The following RALB variants were observed in gnomAD, a reference collection of about 807,000 sequenced individuals.
RALB encodes ras-related protein Ral-B.
A neutral mutation model predicts 21.3 loss-of-function variants in RALB; 16 were observed. The ratio of observed to expected loss-of-function variants is 0.75; its 90% CI spans 0.51 to 1.14. The LOEUF is 1.14. Among genes scored for constraint, RALB ranks in the 50% most tolerant of loss-of-function variants. The probability of loss-of-function intolerance (pLI) is 0.00; values close to 1 mark genes in which losing one functional copy is unlikely to be tolerated. For missense variants in RALB, 161 were observed against 256.2 expected, an observed-to-expected ratio of 0.63 and a Z score of 2.54; for synonymous variants, 93 against 96.1, an observed-to-expected ratio of 0.97 and a Z score of 0.19.
chr2:120,277,808 CGT>C (rs1037308935), intron 1 of RALB, among the ~76,000 whole-genome samples: 12 of 148,864 alleles, frequency 8.1e-5, no homozygotes, highest in South Asian at 4.4e-4. Flanking sequence ...TGTGTGAGAG[CGT>C]GTGAGAGCAA....
At chr2:120,253,406 C>G in intron 1 of RALB, 1 of 985,600 alleles carries the variant, frequency 1.0e-6, no homozygotes, top group South Asian at 4.7e-5. Flanking sequence ...TTGCACGCGC[C>G]GTGAACTGGG....
chr2:120,264,844 T>C (rs1397310938), intron 1 of RALB, among the ~76,000 whole-genome samples: 1 of 152,166 alleles, frequency 6.6e-6, no homozygotes, highest in Non-Finnish European at 1.5e-5. Context: ...CTCATATCAG[T>C]GGAATCATAG....
chr2:120,261,057 G>T (rs150521272), intron 1 of RALB, among the ~76,000 whole-genome samples: 1 of 152,158 alleles, frequency 6.6e-6, no homozygotes, highest in East Asian at 1.9e-4. Flanking sequence ...CAGAATATGC[G>T]TTTTCACAAG....
intron 1 of RALB, among the ~76,000 whole-genome samples, chr2:120,261,526 T>G (rs147814536): frequency 8.4e-4 from 128 of 152,304 alleles, no homozygotes; most frequent in Non-Finnish European, 1.5e-3. Flanking sequence ...ACAGCGAGAT[T>G]ACTAGGAAGT....
intron 1 of RALB, among the ~76,000 whole-genome samples, chr2:120,247,079 C>T (rs1001755650): frequency 2.0e-5 from 3 of 152,140 alleles, no homozygotes; most frequent in African/African-American, 7.2e-5. Context: ...ATCTGGTTAC[C>T]TGGAGGTCGG....
chr2:120,286,758 C>T (rs2104656929), intron 3 of RALB, among the ~76,000 whole-genome samples: 1 of 152,324 alleles, frequency 6.6e-6, no homozygotes, highest in Non-Finnish European at 1.5e-5. Context: ...CCTCCATTGT[C>T]CCCTGTCACA....
intron 1 of RALB, among the ~76,000 whole-genome samples, chr2:120,247,184 G>A (rs1367082907): frequency 6.6e-6 from 1 of 152,330 alleles, no homozygotes. Context: ...GAGAGGACAT[G>A]CAGTGGGGAT....
intron 3 of RALB, among the ~76,000 whole-genome samples, chr2:120,288,155 A>C (rs1202253960): frequency 1.3e-5 from 2 of 152,102 alleles, no homozygotes; most frequent in African/African-American, 4.8e-5. Context: ...CCAGAAAGCT[A>C]TCAGTTTTTA....
chr2:120,248,595 T>A (rs1173027965), upstream of RALB, among the ~76,000 whole-genome samples: 1 of 152,132 alleles, frequency 6.6e-6, no homozygotes, highest in Non-Finnish European at 1.5e-5. Flanking sequence ...CGGAACAGCA[T>A]CCTAACCTCG....
In RALB at chr2:120,278,675, A is replaced by T; in HGVS notation, c.11A>T (p.Asn4Ile). The T allele has an allele frequency of 6.3e-7, 1 of 1,595,384 alleles. No individual in the cohort carries two copies. Among genetic ancestry groups the T allele is most frequent in the Non-Finnish European group, 8.5e-7 (1 of 1,170,126 alleles). Residue 4 changes from asparagine to isoleucine, a missense_variant, in exon 2 of 5, where the codon AAC becomes ATC. Physicochemically the swap from Asn to Ile is moderately radical, Grantham distance 149. Transcript: ENST00000272519. MAA[N>I]KSKGQSSLAL... is the part of the protein sequence containing the mutation. ...CAGAAGACCAGCGAGATGGCTGCCAACAAGAGTAAGGGCCAGAGCTCCTTG... is the reference window on the plus strand; with the variant it reads ...CAGAAGACCAGCGAGATGGCTGCCATCAAGAGTAAGGGCCAGAGCTCCTTG...
intron 1 of RALB, among the ~76,000 whole-genome samples, chr2:120,268,983 CTGATAGAAT>C: frequency 6.6e-6 from 1 of 152,120 alleles, no homozygotes; most frequent in Non-Finnish European, 1.5e-5. Context: ...CTGCACGTTT[CTGATAGAAT>C]TTGGATCATT....
chr2:120,288,349 T>TTTTG (rs1553525487), intron 3 of RALB, among the ~76,000 whole-genome samples: 1 of 141,818 alleles, frequency 7.1e-6, no homozygotes. Context: ...TTAGTTTTTT[T>TTTTG]TTTTGTTTTT....
At chr2:120,248,765 T>C (rs540890036), upstream of RALB, among the ~76,000 whole-genome samples, 1 of 151,878 alleles carries the variant, frequency 6.6e-6, no homozygotes, top group South Asian at 2.1e-4. Context: ...CTCCGCCTCC[T>C]GGACTCACTC....
chr2:120,292,302 C>A, intron 4 of RALB, among the ~76,000 whole-genome samples: 1 of 152,170 alleles, frequency 6.6e-6, no homozygotes, highest in Admixed American at 6.5e-5. Flanking sequence ...CATCCTCCAT[C>A]TTCTCAGTCG....
chr2:120,264,186 T>C (rs1689440779), intron 1 of RALB, among the ~76,000 whole-genome samples: 1 of 151,950 alleles, frequency 6.6e-6, no homozygotes, highest in African/African-American at 2.4e-5. Context: ...AGTCTCACTC[T>C]GTTGCTCAGG....
At chr2:120,290,520 G>T (rs1349399494) in intron 4 of RALB, among the ~76,000 whole-genome samples, 1 of 152,094 alleles carries the variant, frequency 6.6e-6, no homozygotes, top group Non-Finnish European at 1.5e-5. Context: ...TTGAGTTATT[G>T]GTCAGATTTG....
chr2:120,251,200 C>T (rs1044918804), upstream of RALB, among the ~76,000 whole-genome samples: 10 of 152,186 alleles, frequency 6.6e-5, no homozygotes, highest in Admixed American at 4.6e-4. Context: ...TGCAGCTGCT[C>T]TCCTCTCTAT....
upstream of RALB, chr2:120,252,752 A>G: frequency 1.0e-6 from 1 of 983,344 alleles, no homozygotes; most frequent in Non-Finnish European, 1.2e-6. Context: ...CAGCCCCCCG[A>G]CGGGCGTGGC....
intron 1 of RALB, among the ~76,000 whole-genome samples, chr2:120,277,389 ATGTG>A (rs527337710): frequency 1.3e-4 from 20 of 150,616 alleles, no homozygotes; most frequent in African/African-American, 1.7e-4. Context: ...GTGAACATGT[ATGTG>A]TGAGAGCATG....
Sources: allele counts gnomAD v4.1 joint callset (sites outside exome capture counted in the v4.1 genomes callset), GRCh38; gene constraint gnomAD v4.1.1; transcripts MANE v1.5; gene names NCBI Gene and HGNC (gene_info 2026-07-23, HGNC 2026-07-21).